Variants in FAM186B observed in about 807,000 individuals in gnomAD.
FAM186B encodes the protein protein FAM186B.
In FAM186B, 68 loss-of-function variants were observed where a neutral mutation model predicts 83.4. The observed-to-expected ratio is 0.81, with a 90% confidence interval of 0.67 to 1.00. The LOEUF is 1.00. FAM186B is among the 50% of genes least tolerant of loss of function. FAM186B has a pLI of 0.00. For missense variants in FAM186B, 983 were observed against 1,099.2 expected (o/e 0.89, Z 1.49); for synonymous variants, 389 against 422.0 (o/e 0.92, Z 0.96).
At position 49,600,565 on chromosome 12, in the gene FAM186B, G is replaced by C. The variant is rs369627392; in HGVS notation, c.1075C>G (p.Gln359Glu). 6.8e-6 allele frequency: 11 copies of C among 1,613,508 alleles called. No individual in the cohort carries two copies. Among genetic ancestry groups the C allele is most frequent in the Non-Finnish European group, 9.3e-6 (11 of 1,179,758 alleles). ...RKETVMEESQQEPMKEEQLFS... is the reference protein window; with the variant it reads ...RKETVMEESQEEPMKEEQLFS... ...AACTGCTCCTCCTTCATCGGTTCCT[G>C]TTGGCTTTCCTCCATGACTGTTTCT... is the stretch of plus-strand genomic sequence containing the variant. The change falls in exon 4 of 7, where the codon CAG becomes GAG. Residue 359 changes from glutamine (Q) to glutamate (E), a missense_variant. Gln to Glu is a conservative substitution (Grantham distance 29, BLOSUM62 2). Transcript: ENST00000257894. The surrounding 1 kb of genome is among the most constrained non-coding windows in gnomAD (Gnocchi z 4.3).
chr12:49,595,700 G>C, intron 5 of FAM186B: 1 of 353,980 alleles, frequency 2.8e-6, no homozygotes, highest in Non-Finnish European at 5.7e-6. Flanking sequence ...AGAGCAGCAA[G>C]TGGCTGGGCG....
At chr12:49,586,104 G>A (rs186902648), downstream of FAM186B, among the ~76,000 whole-genome samples, 107 of 152,332 alleles carry the variant, frequency 7.0e-4, 2 homozygotes, top group Middle Eastern at 6.8e-3. Flanking sequence ...TGAGATCAAC[G>A]CAGTAAACAG....
chr12:49,622,158 CG>C, the FAM186B span, among the ~76,000 whole-genome samples: 2 of 152,250 alleles, frequency 1.3e-5, no homozygotes, highest in South Asian at 2.1e-4. Context: ...CGGCAGCCCC[CG>C]GGGGAAGGTG....
At chr12:49,613,277 C>A in the FAM186B span, among the ~76,000 whole-genome samples, 1 of 152,068 alleles carries the variant, frequency 6.6e-6, no homozygotes, top group Admixed American at 6.6e-5. Context: ...CCTGTAATCC[C>A]AGCACTTTGG....
At chr12:49,590,157 C>G (rs1263192302) in intron 5 of FAM186B, among the ~76,000 whole-genome samples, 1 of 150,634 alleles carries the variant, frequency 6.6e-6, no homozygotes, top group Non-Finnish European at 1.5e-5. Context: ...TTTAGTAATT[C>G]AGTATATAGA....
Position 49,600,018 on chromosome 12 carries a change from T to C in FAM186B, c.1622A>G (p.Gln541Arg), listed in dbSNP as rs2138290179. 1.2e-6 allele frequency: 2 copies of C among 1,609,960 alleles called. No individual in the cohort carries two copies. Among genetic ancestry groups the C allele is most frequent in the Admixed American group, 3.4e-5 (2 of 59,694 alleles). The change falls in exon 4 of 7, where the codon CAG becomes CGG. Residue 541 changes from glutamine to arginine, a missense_variant. Physicochemically the swap from Gln to Arg is conservative, Grantham distance 43. Transcript: ENST00000257894. The surrounding 1 kb of genome is among the most constrained non-coding windows in gnomAD (Gnocchi z 4.3). The part of the protein sequence containing the change: ...QRRWVQLEKE[Q>R]ESPRREPEQL... The stretch of plus-strand genomic sequence containing the variant: ...CTCTGGCTCTCTCCGTGGGCTCTCC[T>C]GCTCCTTTTCTAGCTGGACCCATCT...
chr12:49,599,103 G>A (rs1389928417), intron 4 of FAM186B, among the ~76,000 whole-genome samples, 156 bp from the exon 5 acceptor site: 2 of 152,060 alleles, frequency 1.3e-5, no homozygotes, highest in African/African-American at 4.8e-5. Flanking sequence ...AGAAAAGTGG[G>A]AGGTGGTATG....
rs184789236 is a variant in FAM186B at position 49,589,673 on chromosome 12, T to C, written c.2365-1050A>G. ...AAAAAAGACAAAGAAGTTAAATCTA[T>C]ATCTATATATCTATAATAAAGAATC... On this transcript the variant is annotated intron_variant, in intron 5 of 6. Coordinates refer to ENST00000257894, the MANE Select transcript of FAM186B (RefSeq NM_032130.3). 2.6e-3 allele frequency among the ~76,000 whole-genome samples: 395 copies of C among 152,064 alleles called. 4 individuals are homozygous for C. The highest frequency in any genetic ancestry group is 0.025 in the Admixed American group (380 of 15,266).
At chr12:49,602,668 CCTTCT>C (rs1939920079) in intron 3 of FAM186B, among the ~76,000 whole-genome samples, 1 of 152,188 alleles carries the variant, frequency 6.6e-6, no homozygotes, top group South Asian at 2.1e-4. Flanking sequence ...CCTTGTGCTC[CCTTCT>C]CTTCTCTGAG....
At chr12:49,615,695 G>A in the FAM186B span, among the ~76,000 whole-genome samples, 2 of 152,040 alleles carry the variant, frequency 1.3e-5, no homozygotes, top group South Asian at 2.1e-4. Flanking sequence ...AGGCTGAGGC[G>A]GGAGGCTCAC....
At position 49,599,531 on chromosome 12, in the gene FAM186B, G is replaced by C; in HGVS notation, c.2109C>G (p.Gly703=). ...LELTTTTMEL[G]ALRLQYLCHK... ...GGCACAGGTACTGCAGCCTGAGCGC[G>C]CCCAGCTCCATGGTGGTGGTGGTGA... Residue 703 remains glycine (G), a synonymous_variant, in exon 4 of 7, where the codon GGC becomes GGG. Coordinates refer to ENST00000257894, the MANE Select transcript of FAM186B (RefSeq NM_032130.3). 1 of 1,602,198 alleles carries C rather than the reference G, an allele frequency of 6.2e-7. No homozygotes were observed. Among genetic ancestry groups the C allele is most frequent in the Non-Finnish European group, 8.5e-7 (1 of 1,175,056 alleles).
At chr12:49,595,293 T>C (rs773262653) in intron 5 of FAM186B, 26 of 682,206 alleles carry the variant, frequency 3.8e-5, no homozygotes, top group Non-Finnish European at 5.8e-5. Context: ...ATGCCAGTCT[T>C]GAAGATGCAA....
the FAM186B span, among the ~76,000 whole-genome samples, chr12:49,621,239 C>T: frequency 5.3e-5 from 8 of 152,032 alleles, no homozygotes; most frequent in African/African-American, 1.4e-4. Context: ...AAAAATTCGC[C>T]GGGTGTGGTG....
chr12:49,606,317 G>A (rs1041945886), upstream of FAM186B, among the ~76,000 whole-genome samples: 1 of 151,064 alleles, frequency 6.6e-6, no homozygotes, highest in Non-Finnish European at 1.5e-5. Flanking sequence ...AACATGGTGA[G>A]AGCCTAGCTC....
chr12:49,607,089 CAT>C (rs1033868028), upstream of FAM186B, among the ~76,000 whole-genome samples: 2 of 151,954 alleles, frequency 1.3e-5, no homozygotes, highest in East Asian at 1.9e-4. Context: ...AAAATAGAAA[CAT>C]ATCACAATTT....
At chr12:49,619,282 T>C in the FAM186B span, 1 of 262,052 alleles carries the variant, frequency 3.8e-6, no homozygotes, top group Non-Finnish European at 7.1e-6. Flanking sequence ...CAGAAGCCGG[T>C]TGGTGTGTGA....
intron 3 of FAM186B, 31 bp downstream of exon 3, chr12:49,603,154 A>G (rs758145026): frequency 3.1e-6 from 5 of 1,612,208 alleles, no homozygotes; most frequent in Non-Finnish European, 4.2e-6. Context: ...GTCCCCACCT[A>G]GCTCCCTGGC....
chr12:49,600,054 TCC>T lies in FAM186B; in HGVS notation c.1584_1585del (p.Glu529AlafsTer70), dbSNP rs1281946248. 1 of 1,606,294 alleles carries T rather than the reference TCC, an allele frequency of 6.2e-7. No individual in the cohort carries two copies. Among genetic ancestry groups the T allele is most frequent in the Non-Finnish European group, 8.5e-7 (1 of 1,175,934 alleles). Reference sequence around the variant, plus strand: ...TAGCTGGACCCATCTCCGCTGTTGCTCCCTGGCCAGGTCTTCCAGATTCCACT... The same window carrying T: ...TAGCTGGACCCATCTCCGCTGTTGCTCTGGCCAGGTCTTCCAGATTCCACT... On this transcript the variant is annotated frameshift_variant, in exon 4 of 7. Transcript: ENST00000257894. LOFTEE classifies it high-confidence loss of function. This position sits in a 1 kb window ranked among gnomAD's most constrained non-coding sequence, Gnocchi z 4.3.
chr12:49,593,409 C>T (rs1032895369), intron 5 of FAM186B, among the ~76,000 whole-genome samples: 5 of 152,160 alleles, frequency 3.3e-5, no homozygotes, highest in East Asian at 1.9e-4. Flanking sequence ...CCCAGGTGGG[C>T]GGATCCCCTG....
Sources: gnomAD v4.1 joint callset for allele counts (sites outside exome capture counted in the v4.1 genomes callset) on GRCh38, gnomAD v4.1.1 for gene constraint, Gnocchi (gnomAD v3.1) non-coding constraint, MANE v1.5 for transcripts, NCBI Gene and HGNC (gene_info 2026-07-23, HGNC 2026-07-21) for gene names.